Variants in NMT1 observed in about 807,000 individuals in gnomAD.
The protein encoded by NMT1 is N-myristoyltransferase 1, also known as glycylpeptide N-tetradecanoyltransferase 1.
NMT1 carries 12 observed loss-of-function variants against 63.4 expected under a neutral mutation model. The observed-to-expected ratio is 0.19, with a 90% CI of 0.12 to 0.31. The LOEUF is 0.31. Ranked by LOEUF, NMT1 falls within the 10% of genes least tolerant of loss-of-function variation. The pLI is 1.00. For missense variants in NMT1, 432 were observed against 634.6 expected (o/e 0.68, Z 3.43); for synonymous variants, 228 against 234.3 (o/e 0.97, Z 0.25).
chr17:45,093,623 C>A, intron 3 of NMT1, 62 bp from the exon 4 acceptor site: 1 of 1,406,760 alleles, frequency 7.1e-7, no homozygotes, highest in Non-Finnish European at 1.0e-6. Context: ...GAGTTTTGAA[C>A]TGAGCCCTTT....
Position 45,105,573 on chromosome 17 carries a change from G to A in NMT1, c.1471-46G>A, listed in dbSNP as rs1415873379. ...GGATAGGGGGTGTGGGAGAGTCTTT[G>A]GGCCACTGTCAACTCAGCTCTGCCT... On this transcript the variant is annotated intron_variant, in intron 11 of 11. Transcript: ENST00000258960. The surrounding 1 kb of genome is among the most constrained non-coding windows in gnomAD (Gnocchi z 4.2). The A allele has an allele frequency of 1.2e-6, 2 of 1,610,884 alleles. No individual in the cohort carries two copies. Among genetic ancestry groups the A allele is most frequent in the Non-Finnish European group, 1.7e-6 (2 of 1,177,994 alleles).
intron 1 of NMT1, among the ~76,000 whole-genome samples, chr17:45,077,267 G>C (rs934650674): frequency 6.6e-6 from 1 of 152,040 alleles, no homozygotes; most frequent in Non-Finnish European, 1.5e-5. Flanking sequence ...AGCTGTTATG[G>C]AACCAGCTAA....
At chr17:45,066,980 A>C (rs563101845) in intron 1 of NMT1, among the ~76,000 whole-genome samples, 2 of 152,106 alleles carry the variant, frequency 1.3e-5, no homozygotes, top group Non-Finnish European at 2.9e-5. Flanking sequence ...TTGGCCTCCC[A>C]AACTGCTGGG....
At chr17:45,099,075 G>A (rs1291306535) in intron 7 of NMT1, among the ~76,000 whole-genome samples, 1 of 152,190 alleles carries the variant, frequency 6.6e-6, no homozygotes, top group African/African-American at 2.4e-5. Context: ...GAGGGTGAGT[G>A]CCTCTGCCAT....
intron 5 of NMT1, 44 bp from the exon 6 acceptor site, chr17:45,097,084 G>T: frequency 6.4e-7 from 1 of 1,557,798 alleles, no homozygotes; most frequent in African/African-American, 1.4e-5. Flanking sequence ...GGCTTGTCCA[G>T]CCTGCCGGCA....
rs569310674 is a variant in NMT1, at chr17:45,088,679, A to G, written c.385+2027A>G. 2.6e-5 allele frequency among the ~76,000 whole-genome samples: 4 copies of G among 152,144 alleles called. No individual in the cohort carries two copies. In the South Asian group the frequency reaches 8.3e-4, roughly 32 times the overall value. On this transcript the variant is annotated intron_variant, in intron 3 of 11. Coordinates refer to ENST00000258960, the MANE Select transcript of NMT1 (RefSeq NM_021079.5). ...TGAGGTGGGAGAATCACTTGAACCT[A>G]GGAGACAGAGGTTGCAGTAAGCTGA...
chr17:45,072,832 T>TGCCACC (rs1470899542), intron 1 of NMT1, among the ~76,000 whole-genome samples: 1 of 151,940 alleles, frequency 6.6e-6, no homozygotes, highest in African/African-American at 2.4e-5. Context: ...GTGCTGGGAT[T>TGCCACC]ACAGGCGTGA....
At chr17:45,081,071 T>G (rs1320320749) in intron 1 of NMT1, among the ~76,000 whole-genome samples, 1 of 152,206 alleles carries the variant, frequency 6.6e-6, no homozygotes, top group Non-Finnish European at 1.5e-5. Flanking sequence ...CCTGGCTGAT[T>G]TGGGCATTTC....
chr17:45,099,145 G>A (rs1479575187), intron 7 of NMT1, among the ~76,000 whole-genome samples: 1 of 152,188 alleles, frequency 6.6e-6, no homozygotes, highest in Non-Finnish European at 1.5e-5. Context: ...GTGAGGATTG[G>A]TCTCCCCAGA....
At position 45,105,761 on chromosome 17, in the gene NMT1, C is replaced by G; in HGVS notation, c.*122C>G. On this transcript the variant is annotated 3_prime_UTR_variant, in exon 12 of 12. Coordinates refer to ENST00000258960, the MANE Select transcript of NMT1 (RefSeq NM_021079.5). The surrounding 1 kb of genome is among the most constrained non-coding windows in gnomAD (Gnocchi z 4.2). The stretch of plus-strand genomic sequence containing the variant: ...CCCTGGCAAAGGGAGCAGAACTGAA[C>G]CGGCTTTACCAAACCGCCAGCGAAC... 1.0e-6 allele frequency: 1 copy of G among 980,776 alleles called. No homozygotes were observed. Among genetic ancestry groups the G allele is most frequent in the Non-Finnish European group, 1.5e-6 (1 of 654,928 alleles). 60.8% of individuals were successfully genotyped at this position (980,776 alleles called of 1,614,324 possible). A position where few individuals can be genotyped will look rare whatever the true frequency, so the allele number is the denominator to read the frequency against.
intron 4 of NMT1, among the ~76,000 whole-genome samples, chr17:45,094,462 C>T (rs532964079): frequency 6.7e-6 from 1 of 149,106 alleles, no homozygotes; most frequent in Non-Finnish European, 1.5e-5. Flanking sequence ...CATTGCACTC[C>T]AGCCCAGGTG....
At chr17:45,091,792 A>G (rs2088021543) in intron 3 of NMT1, among the ~76,000 whole-genome samples, 1 of 152,182 alleles carries the variant, frequency 6.6e-6, no homozygotes, top group Non-Finnish European at 1.5e-5. Flanking sequence ...TTGGGAGGCC[A>G]AGGCAGGAGG....
intron 1 of NMT1, among the ~76,000 whole-genome samples, chr17:45,078,095 A>G (rs2053989009): frequency 6.6e-6 from 1 of 152,154 alleles, no homozygotes; most frequent in South Asian, 2.1e-4. Flanking sequence ...TTTCTGCATC[A>G]GGGGCACTGA....
At position 45,104,130 on chromosome 17, in the gene NMT1, C is replaced by A; in HGVS notation, c.1332+254C>A. 1 of 1,384,272 alleles carries A rather than the reference C, an allele frequency of 7.2e-7. No homozygotes were observed. Among genetic ancestry groups the A allele is most frequent in the Non-Finnish European group, 9.4e-7 (1 of 1,063,610 alleles). The allele number at this position is 1,384,272 out of a possible 1,614,324, so 85.7% of individuals were successfully genotyped here. A position where few individuals can be genotyped will look rare whatever the true frequency, so the allele number is the denominator to read the frequency against. On this transcript the variant is annotated intron_variant, in intron 10 of 11. Coordinates refer to ENST00000258960, the MANE Select transcript of NMT1 (RefSeq NM_021079.5). This position sits in a 1 kb window ranked among gnomAD's most constrained non-coding sequence, Gnocchi z 4.2. ...AGTTTCGTTCTCACAGGAGGCGCCA[C>A]CAAGGAGCCTGAATAGCCAGGCCTT...
At chr17:45,092,300 T>C (rs1316298838) in intron 3 of NMT1, among the ~76,000 whole-genome samples, 1 of 152,128 alleles carries the variant, frequency 6.6e-6, no homozygotes, top group Non-Finnish European at 1.5e-5. Context: ...TGCTCAGTAA[T>C]GTGTCTGATG....
chr17:45,073,963 T>G (rs2053959761), intron 1 of NMT1, among the ~76,000 whole-genome samples: 3 of 152,176 alleles, frequency 2.0e-5, no homozygotes, highest in Admixed American at 2.0e-4. Flanking sequence ...CATCATCCAG[T>G]AAGACTGAGA....
chr17:45,063,394 A>C (rs2053880822), intron 1 of NMT1, among the ~76,000 whole-genome samples: 2 of 152,172 alleles, frequency 1.3e-5, no homozygotes, highest in African/African-American at 2.4e-5. Flanking sequence ...AACAGGAAGA[A>C]GGGAAAGTGA....
chr17:45,084,527 GT>G (rs2054039047), intron 2 of NMT1, among the ~76,000 whole-genome samples: 1 of 151,866 alleles, frequency 6.6e-6, no homozygotes, highest in Admixed American at 6.6e-5. Flanking sequence ...TAGGGACGGG[GT>G]TTCACTGTGT....
chr17:45,108,044 G>A lies in NMT1; in HGVS notation c.*2405G>A, dbSNP rs565687243. The A allele has an allele frequency of 1.3e-5, 2 of 152,200 alleles. No individual in the cohort carries two copies. Among genetic ancestry groups the A allele is most frequent in the African/African-American group, 2.4e-5 (1 of 41,436 alleles). The allele number at this position is 152,200 out of a possible 1,614,324, so 9.4% of individuals were successfully genotyped here. ...CAGAGAGCACCATCCCGGGGGTCAG[G>A]GCCTCCCCACAGGAGCCCTGCAGTG... On this transcript the variant is annotated 3_prime_UTR_variant, in exon 12 of 12. Transcript: ENST00000258960.
Sources: allele counts gnomAD v4.1 joint callset (sites outside exome capture counted in the v4.1 genomes callset), GRCh38; gene constraint gnomAD v4.1.1; non-coding constraint Gnocchi (gnomAD v3.1); transcripts MANE v1.5; gene names NCBI Gene and HGNC (gene_info 2026-07-23, HGNC 2026-07-21).